The following SMC6 variants were observed in gnomAD, a reference collection of about 807,000 sequenced individuals.
SMC6 encodes the protein structural maintenance of chromosomes 6.
A neutral mutation model predicts 142.2 loss-of-function variants in SMC6; 79 were observed. The ratio of observed to expected loss-of-function variants is 0.56; its 90% confidence interval spans 0.46 to 0.67. SMC6 has a LOEUF of 0.67. Ranked by LOEUF, SMC6 falls within the 30% of genes least tolerant of loss-of-function variation. The probability of loss-of-function intolerance (pLI) is 0.00; values close to 1 mark genes in which losing one functional copy is unlikely to be tolerated. For missense variants in SMC6, 1,072 were observed against 1,284.0 expected (o/e 0.83, Z 2.52); for synonymous variants, 411 against 412.4 (o/e 1.00, Z 0.04).
intron 5 of SMC6, among the ~76,000 whole-genome samples, chr2:17,733,717 CT>C (rs1670015541): frequency 6.6e-6 from 1 of 152,142 alleles, no homozygotes; most frequent in Non-Finnish European, 1.5e-5. Flanking sequence ...GCATTATAGT[CT>C]GATAAGAAAA....
intron 5 of SMC6, among the ~76,000 whole-genome samples, chr2:17,736,862 ACT>A (rs1487770333): frequency 7.2e-6 from 1 of 139,220 alleles, no homozygotes; most frequent in African/African-American, 2.7e-5. Flanking sequence ...ACAGAGTGAG[ACT>A]CTGTCTCAAA....
At chr2:17,736,432 TG>T (rs2125059098) in intron 5 of SMC6, among the ~76,000 whole-genome samples, 1 of 151,882 alleles carries the variant, frequency 6.6e-6, no homozygotes, top group East Asian at 1.9e-4. Context: ...ACTTCTCAAA[TG>T]GGGGAAAAAA....
intron 21 of SMC6, among the ~76,000 whole-genome samples, chr2:17,697,176 C>A (rs904507210): frequency 6.6e-6 from 1 of 151,718 alleles, no homozygotes. Context: ...AGTCTCATGG[C>A]GTCTATTCAA....
At chr2:17,693,139 G>A (rs986118498) in intron 23 of SMC6, among the ~76,000 whole-genome samples, 7 of 152,188 alleles carry the variant, frequency 4.6e-5, no homozygotes, top group Admixed American at 6.5e-5. Flanking sequence ...CACTGTGGAA[G>A]TCAGTGTGGC....
At chr2:17,722,403 C>T (rs1669415486) in intron 9 of SMC6, among the ~76,000 whole-genome samples, 1 of 152,052 alleles carries the variant, frequency 6.6e-6, no homozygotes, top group African/African-American at 2.4e-5. Context: ...TCTTTGTTTC[C>T]ACTTTACCCT....
intron 25 of SMC6, among the ~76,000 whole-genome samples, chr2:17,670,836 C>T (rs1666724461): frequency 6.6e-6 from 1 of 151,998 alleles, no homozygotes; most frequent in African/African-American, 2.4e-5. Context: ...ACCAAAATTC[C>T]AAAGGCTAAT....
intron 5 of SMC6, among the ~76,000 whole-genome samples, chr2:17,733,008 A>G (rs563325939): frequency 1.4e-4 from 22 of 152,356 alleles, no homozygotes; most frequent in African/African-American, 4.8e-4. Context: ...ATAAAGATAT[A>G]ATTTTCTTAC....
At chr2:17,712,009 A>G (rs1668850684) in intron 16 of SMC6, among the ~76,000 whole-genome samples, 3 of 152,236 alleles carry the variant, frequency 2.0e-5, no homozygotes. Context: ...GCGGAGCACC[A>G]GAAGGAGATG....
At chr2:17,683,564 A>T in intron 24 of SMC6, 74 bp downstream of exon 24, 1 of 1,315,662 alleles carries the variant, frequency 7.6e-7, no homozygotes, top group Non-Finnish European at 1.1e-6. Context: ...GCTATAACAG[A>T]ATTATATAAA....
At chr2:17,713,323 A>G (rs1046846283) in intron 16 of SMC6, 2 of 349,636 alleles carry the variant, frequency 5.7e-6, no homozygotes, top group Non-Finnish European at 1.1e-5. Context: ...GCCAATCTAA[A>G]CCCTTAAAGA....
At chr2:17,731,970 A>G in intron 5 of SMC6, 93 bp from the exon 6 acceptor site, 1 of 1,364,420 alleles carries the variant, frequency 7.3e-7, no homozygotes, top group Non-Finnish European at 9.9e-7. Context: ...AAACCACCAA[A>G]TAATTTGGCC....
At chr2:17,687,351 C>T (rs948148192) in intron 23 of SMC6, among the ~76,000 whole-genome samples, 1 of 152,150 alleles carries the variant, frequency 6.6e-6, no homozygotes, top group Admixed American at 6.5e-5. Context: ...AATGCACACA[C>T]ACAGAATGAC....
chr2:17,706,285 A>C (rs1423182690), intron 18 of SMC6, among the ~76,000 whole-genome samples: 5 of 152,158 alleles, frequency 3.3e-5, no homozygotes, highest in African/African-American at 9.7e-5. Flanking sequence ...CATTATGTAT[A>C]CTTTTGTAAC....
At chr2:17,666,543 A>G (rs1666504481) in intron 26 of SMC6, 26 bp from the exon 27 acceptor site, 1 of 1,540,384 alleles carries the variant, frequency 6.5e-7, no homozygotes, top group African/African-American at 1.4e-5. Context: ...AAAAGTTAGG[A>G]TTGCTATTGT....
At position 17,703,263 on chromosome 2, in the gene SMC6, G is replaced by A. The variant is rs374943544; in HGVS notation, c.2036C>T (p.Thr679Met). The A allele has an allele frequency of 1.4e-4, 222 of 1,603,504 alleles. 2 individuals carry two copies. Among genetic ancestry groups the A allele is most frequent in the South Asian group, 1.3e-3 (112 of 89,062 alleles). Residue 679 changes from threonine (T) to methionine (M), a missense_variant, in exon 19 of 28, where the codon ACG becomes ATG. Physicochemically the swap from Thr to Met is moderately conservative, Grantham distance 81. Around this residue, in one of 3 missense-constraint regions of SMC6, gnomAD observed 994 missense variants for 1,153.2 expected, o/e 0.86. Transcript: ENST00000448223. ...TTGCTGAAGATTTAATATCTGGGCCGTCTTATTTTCAACCTCATTCTCCAA... is the reference window on the plus strand; with the variant it reads ...TTGCTGAAGATTTAATATCTGGGCCATCTTATTTTCAACCTCATTCTCCAA... ...SDLENEVENKTAQILNLQQHL... is the reference protein window; with the variant it reads ...SDLENEVENKMAQILNLQQHL...
chr2:17,675,963 C>T (rs2710657), intron 25 of SMC6, among the ~76,000 whole-genome samples: 51,273 of 151,930 alleles, frequency 0.34, 9,424 homozygotes, highest in African/African-American at 0.43. Context: ...ATTCTTTGTT[C>T]TATCCTATCG....
At chr2:17,692,384 C>A (rs1667773468) in intron 23 of SMC6, among the ~76,000 whole-genome samples, 1 of 152,012 alleles carries the variant, frequency 6.6e-6, no homozygotes, top group Non-Finnish European at 1.5e-5. Context: ...CAGAATAGAG[C>A]CCTCAGAAAT....
chr2:17,716,110 T>C lies in SMC6; in HGVS notation c.1501A>G (p.Thr501Ala). The C allele has an allele frequency of 6.3e-7, 1 of 1,595,290 alleles. No individual in the cohort carries two copies. The highest frequency in any genetic ancestry group is 8.5e-7 in the Non-Finnish European group (1 of 1,175,128). ...CCTAAAGGGCCTACAGGTTTATAGG[T>C]AAAATGTCCTTGTCTATAAGCATCA... ...IDDAYRQGHF[T>A]YKPVGPLGAC... The change falls in exon 15 of 28, where the codon ACC becomes GCC. Residue 501 changes from threonine (T) to alanine (A), a missense_variant. Around this residue, in one of 3 missense-constraint regions of SMC6, gnomAD observed 994 missense variants for 1,153.2 expected, o/e 0.86. Coordinates refer to ENST00000448223, the MANE Select transcript of SMC6 (RefSeq NM_001142286.2).
intron 23 of SMC6, among the ~76,000 whole-genome samples, chr2:17,689,866 T>A (rs1667624810): frequency 6.6e-6 from 1 of 152,244 alleles, no homozygotes. Context: ...GTTTTTACTA[T>A]TGTGTTCTTT....
Sources: allele counts gnomAD v4.1 joint callset (sites outside exome capture counted in the v4.1 genomes callset), GRCh38; gene constraint gnomAD v4.1.1; regional missense constraint gnomAD v4.1.1; transcripts MANE v1.5; gene names NCBI Gene and HGNC (gene_info 2026-07-23, HGNC 2026-07-21).